Variants in EPHB2 observed in about 807,000 individuals in gnomAD.
The protein encoded by EPHB2 is ephrin type-B receptor 2.
In EPHB2, 18 loss-of-function variants were observed where a neutral mutation model predicts 96.4. The ratio of observed to expected loss-of-function variants is 0.19; its 90% CI spans 0.13 to 0.28. The LOEUF (loss-of-function observed/expected upper bound fraction) is 0.28. Among genes scored for constraint, EPHB2 ranks in the 10% least tolerant of loss-of-function variants. The pLI is 1.00. For missense variants in EPHB2, 989 were observed against 1,355.4 expected, an observed-to-expected ratio of 0.73 and a Z score of 4.25; for synonymous variants, 506 against 534.1, an observed-to-expected ratio of 0.95 and a Z score of 0.72.
At chr1:22,712,584 G>T (rs1408659586) in intron 1 of EPHB2, among the ~76,000 whole-genome samples, 1 of 152,198 alleles carries the variant, frequency 6.6e-6, no homozygotes, top group African/African-American at 2.4e-5. Flanking sequence ...TCAGGGGGTG[G>T]GGGGTGTCCC....
At chr1:22,791,894 T>G (rs1401832824) in intron 3 of EPHB2, among the ~76,000 whole-genome samples, 1 of 152,196 alleles carries the variant, frequency 6.6e-6, no homozygotes, top group Non-Finnish European at 1.5e-5. Flanking sequence ...GGCATGTACT[T>G]TTTTTAGAGC....
chr1:22,724,664 C>T (rs902754560), intron 1 of EPHB2, among the ~76,000 whole-genome samples: 5 of 152,222 alleles, frequency 3.3e-5, no homozygotes, highest in Non-Finnish European at 5.9e-5. Flanking sequence ...TTTTCTCCCC[C>T]TCCTGGGTTT....
intron 1 of EPHB2, among the ~76,000 whole-genome samples, chr1:22,729,865 C>T (rs886147991): frequency 1.3e-5 from 2 of 152,238 alleles, no homozygotes; most frequent in African/African-American, 4.8e-5. Context: ...AGCATAGCGC[C>T]CAGCCCCTAG....
chr1:22,851,179 G>A (rs1445597278), intron 3 of EPHB2, among the ~76,000 whole-genome samples: 4 of 152,070 alleles, frequency 2.6e-5, no homozygotes, highest in Admixed American at 2.6e-4. Context: ...AAATTTTTTT[G>A]TAGAGTCAAG....
chr1:22,772,964 G>A (rs1490193422), intron 1 of EPHB2, among the ~76,000 whole-genome samples: 3 of 152,134 alleles, frequency 2.0e-5, no homozygotes, highest in Admixed American at 6.6e-5. Flanking sequence ...GTGGCCTTTT[G>A]GAAGTCCTTG....
chr1:22,871,647 G>A (rs548430727), intron 5 of EPHB2, among the ~76,000 whole-genome samples: 5 of 152,282 alleles, frequency 3.3e-5, no homozygotes, highest in Admixed American at 3.3e-4. Flanking sequence ...GTTCCCTATT[G>A]CTGCCAGAAC....
At chr1:22,828,387 A>G (rs4233295) in intron 3 of EPHB2, among the ~76,000 whole-genome samples, 151,952 of 152,292 alleles carry the variant, frequency 1, 75,808 homozygotes, top group Middle Eastern at 1. Flanking sequence ...CCAGCTCCCC[A>G]GCCCAGCCGT....
At chr1:22,904,902 A>G (rs1639859908) in intron 9 of EPHB2, among the ~76,000 whole-genome samples, 1 of 152,248 alleles carries the variant, frequency 6.6e-6, no homozygotes, top group African/African-American at 2.4e-5. Context: ...CGCACCAACC[A>G]GCCAAGCCTT....
At chr1:22,712,690 G>C (rs996143030) in intron 1 of EPHB2, among the ~76,000 whole-genome samples, 1 of 152,186 alleles carries the variant, frequency 6.6e-6, no homozygotes, top group Non-Finnish European at 1.5e-5. Flanking sequence ...GGGGCCACTG[G>C]GGCACCTAGG....
At chr1:22,786,349 G>A (rs1644610659) in intron 3 of EPHB2, among the ~76,000 whole-genome samples, 1 of 152,190 alleles carries the variant, frequency 6.6e-6, no homozygotes. Flanking sequence ...GGTGCTGGGG[G>A]TATAGGGGAC....
intron 1 of EPHB2, among the ~76,000 whole-genome samples, chr1:22,745,389 CA>C (rs1643958107): frequency 6.6e-6 from 1 of 152,188 alleles, no homozygotes; most frequent in East Asian, 1.9e-4. Context: ...ACTTCAAAAC[CA>C]GGCAAAACGA....
At chr1:22,802,408 G>T (rs1446077789) in intron 3 of EPHB2, among the ~76,000 whole-genome samples, 2 of 152,048 alleles carry the variant, frequency 1.3e-5, no homozygotes, top group Non-Finnish European at 2.9e-5. Flanking sequence ...ATGGAGGTGG[G>T]GACCCTAAGA....
intron 3 of EPHB2, among the ~76,000 whole-genome samples, chr1:22,842,270 C>T (rs1413579920): frequency 2.0e-5 from 3 of 152,072 alleles, no homozygotes; most frequent in Non-Finnish European, 4.4e-5. Context: ...TGCAGAGAGG[C>T]GGTGCTGAAA....
Position 22,772,813 on chromosome 1 carries a change from G to A in EPHB2, c.62-8608G>A, listed in dbSNP as rs556437916. 2.6e-5 allele frequency among the ~76,000 whole-genome samples: 4 copies of A among 152,320 alleles called. No individual in the cohort carries two copies. In the East Asian group the frequency reaches 7.7e-4, roughly 29 times the overall value. ...TATGGGCTTTACAGGGCGTGCAGAG[G>A]GTTTAGCTCAGAGCCTGGCAACGAT... On this transcript the variant is annotated intron_variant, in intron 1 of 15. Coordinates refer to ENST00000374630, the MANE Select transcript of EPHB2 (RefSeq NM_017449.5).
chr1:22,795,393 C>T (rs775344057), intron 3 of EPHB2, among the ~76,000 whole-genome samples: 19 of 152,312 alleles, frequency 1.2e-4, no homozygotes, highest in Admixed American at 5.9e-4. Context: ...CAGGTACATA[C>T]GGAGCTGAAA....
At chr1:22,792,968 A>C (rs1209139995) in intron 3 of EPHB2, among the ~76,000 whole-genome samples, 1 of 152,134 alleles carries the variant, frequency 6.6e-6, no homozygotes, top group Non-Finnish European at 1.5e-5. Flanking sequence ...AGGAGGGGCC[A>C]CTGCGGTGGA....
chr1:22,721,154 C>G (rs1246272279), intron 1 of EPHB2, among the ~76,000 whole-genome samples: 1 of 152,172 alleles, frequency 6.6e-6, no homozygotes, highest in East Asian at 1.9e-4. Flanking sequence ...AGAAAAAATT[C>G]TAAAGGCATG....
chr1:22,829,485 T>C (rs148755050), intron 3 of EPHB2, among the ~76,000 whole-genome samples: 1 of 152,258 alleles, frequency 6.6e-6, no homozygotes, highest in East Asian at 1.9e-4. Context: ...CCCAGAGGCC[T>C]CCCTACAACT....
At position 22,813,583 on chromosome 1, in the gene EPHB2, G is replaced by A. The variant is rs148137921; in HGVS notation, c.811+28507G>A. On this transcript the variant is annotated intron_variant, in intron 3 of 15. Transcript: ENST00000374630. ...AGGGGCCATCTGGGAGGTAGGGTCA[G>A]CAGTAGGCACCACGAGGCATTGGGA... Among the ~76,000 whole-genome samples, 786 of 152,360 alleles carry A rather than the reference G, an allele frequency of 5.2e-3. 8 individuals carry two copies. Among genetic ancestry groups the A allele is most frequent in the African/African-American group, 0.018 (756 of 41,592 alleles).
Sources: allele counts gnomAD v4.1 joint callset (sites outside exome capture counted in the v4.1 genomes callset), GRCh38; gene constraint gnomAD v4.1.1; transcripts MANE v1.5; gene names NCBI Gene and HGNC (gene_info 2026-07-23, HGNC 2026-07-21).